Variants in NALF1 observed in about 807,000 individuals in gnomAD.
The protein encoded by NALF1 is family with sequence similarity 155 member A.
Under a neutral mutation model 48.4 loss-of-function variants are expected in NALF1, and 3 were observed. The observed-to-expected ratio is 0.06, with a 90% confidence interval of 0.03 to 0.16. The LOEUF is 0.16. Among genes scored for constraint, NALF1 ranks in the 10% least tolerant of loss-of-function variants. The pLI, the probability that NALF1 is intolerant of heterozygous loss-of-function variation, is 1.00. For missense variants in NALF1, 526 were observed against 571.5 expected (o/e 0.92, Z 0.81); for synonymous variants, 262 against 245.7 (o/e 1.07, Z -0.62).
chr13:107,769,962 G>C (rs1390165087), intron 1 of NALF1, among the ~76,000 whole-genome samples: 3 of 152,176 alleles, frequency 2.0e-5, no homozygotes, highest in African/African-American at 4.8e-5. Context: ...ACCCAGGCTA[G>C]AGTGCAGTGG....
At chr13:107,851,815 T>TC (rs2138642662) in intron 1 of NALF1, among the ~76,000 whole-genome samples, 1 of 144,768 alleles carries the variant, frequency 6.9e-6, no homozygotes, top group Admixed American at 6.9e-5. Flanking sequence ...CTTTTTTTTT[T>TC]TTTTTTTTTT....
chr13:107,831,203 A>T (rs1486368140), intron 1 of NALF1, among the ~76,000 whole-genome samples: 1 of 152,214 alleles, frequency 6.6e-6, no homozygotes, highest in African/African-American at 2.4e-5. Flanking sequence ...GACCTGAAAA[A>T]CAGACAGTTT....
At chr13:107,471,910 T>C (rs1264348138) in intron 1 of NALF1, among the ~76,000 whole-genome samples, 1 of 152,196 alleles carries the variant, frequency 6.6e-6, no homozygotes, top group Non-Finnish European at 1.5e-5. Flanking sequence ...TGTTTTTGTC[T>C]CTCCAATTAT....
At chr13:107,201,144 A>ATATCTATC (rs57935710) in intron 2 of NALF1, among the ~76,000 whole-genome samples, 4 of 150,354 alleles carry the variant, frequency 2.7e-5, no homozygotes, top group South Asian at 2.1e-4. Flanking sequence ...ATGTACGTTG[A>ATATCTATC]TATCTATCTA....
chr13:107,629,585 G>A (rs1464524514), intron 1 of NALF1, among the ~76,000 whole-genome samples: 1 of 141,450 alleles, frequency 7.1e-6, no homozygotes, highest in Non-Finnish European at 1.6e-5. Flanking sequence ...CTAAAACTCA[G>A]TATCTCCCCT....
At chr13:107,814,988 T>C (rs1879120168) in intron 1 of NALF1, among the ~76,000 whole-genome samples, 2 of 152,174 alleles carry the variant, frequency 1.3e-5, no homozygotes, top group South Asian at 4.1e-4. Flanking sequence ...TCTCTGATCA[T>C]ACTCAAAAAT....
In NALF1 at chr13:107,237,182, A is replaced by G. The variant is rs1437246396; in HGVS notation, c.916-26427T>C. 2.0e-5 allele frequency among the ~76,000 whole-genome samples: 3 copies of G among 152,134 alleles called. No homozygotes were observed. In the East Asian group the frequency reaches 5.8e-4, roughly 29 times the overall value. The stretch of plus-strand genomic sequence containing the variant: ...ATATATCATAAATAATTTAGACTAG[A>G]AACTTAATTATTTTGAAATTACTGA... On this transcript the variant is annotated intron_variant, in intron 1 of 2. Transcript: ENST00000375915.
chr13:107,415,377 G>T (rs1376434890), intron 1 of NALF1, among the ~76,000 whole-genome samples: 1 of 150,096 alleles, frequency 6.7e-6, no homozygotes, highest in Non-Finnish European at 1.5e-5. Flanking sequence ...CATAAGGAGA[G>T]AGTTTTTTTT....
chr13:107,211,638 G>A (rs1466707233), intron 1 of NALF1, among the ~76,000 whole-genome samples: 1 of 152,132 alleles, frequency 6.6e-6, no homozygotes, highest in Non-Finnish European at 1.5e-5. Context: ...TGCAGTACAG[G>A]TTACTGAAAT....
At position 107,362,075 on chromosome 13, in the gene NALF1, C is replaced by T. The variant is rs1883071204; in HGVS notation, c.916-151320G>A. Among the ~76,000 whole-genome samples, 1 of 152,092 alleles carries T rather than the reference C, an allele frequency of 6.6e-6. No individual in the cohort carries two copies. Among genetic ancestry groups the T allele is most frequent in the Non-Finnish European group, 1.5e-5 (1 of 68,024 alleles). On this transcript the variant is annotated intron_variant, in intron 1 of 2. Transcript: ENST00000375915. The surrounding 1 kb of genome is among the most constrained non-coding windows in gnomAD (Gnocchi z 4.6). ...GAAGTCGCACTGCCAGCCTGCAGTG[C>T]ATAGGTAGAGATGGGGGAATTCAAC...
chr13:107,734,668 T>G (rs959586093), intron 1 of NALF1, among the ~76,000 whole-genome samples: 1 of 152,134 alleles, frequency 6.6e-6, no homozygotes, highest in Non-Finnish European at 1.5e-5. Context: ...AAGACATTTA[T>G]GTCTTTGAGC....
At chr13:107,398,331 G>T (rs781649320) in intron 1 of NALF1, among the ~76,000 whole-genome samples, 1 of 148,802 alleles carries the variant, frequency 6.7e-6, no homozygotes, top group African/African-American at 2.5e-5. Context: ...AAATAAAGGC[G>T]ATATGGAATT....
intron 1 of NALF1, among the ~76,000 whole-genome samples, chr13:107,581,148 T>C (rs1878295860): frequency 6.6e-6 from 1 of 152,204 alleles, no homozygotes; most frequent in Non-Finnish European, 1.5e-5. Flanking sequence ...CTCGGACGCA[T>C]TTTGATTCAG....
intron 1 of NALF1, among the ~76,000 whole-genome samples, chr13:107,578,039 T>C (rs150225740): frequency 1.1e-3 from 173 of 152,264 alleles, no homozygotes; most frequent in African/African-American, 3.9e-3. Context: ...AGACCTGAAA[T>C]TCTACAGGTC....
chr13:107,769,334 T>C (rs951741705), intron 1 of NALF1, among the ~76,000 whole-genome samples: 74 of 148,462 alleles, frequency 5.0e-4, no homozygotes, highest in African/African-American at 1.8e-3. Flanking sequence ...ATGTGGCACA[T>C]ATACACCATG....
chr13:107,825,480 CTT>C lies in NALF1; in HGVS notation c.915+40200_915+40201del, dbSNP rs1451853979. On this transcript the variant is annotated intron_variant, in intron 1 of 2. Coordinates refer to ENST00000375915, the MANE Select transcript of NALF1 (RefSeq NM_001080396.3). ...GAATCTTCTGTCCTTAATCTGATCT[CTT>C]GTCTCAATCCATAATTAGGCCTCAA... is the stretch of plus-strand genomic sequence containing the variant. 5.3e-5 allele frequency among the ~76,000 whole-genome samples: 8 copies of C among 152,292 alleles called. No homozygotes were observed. The South Asian group carries it at 8.3e-4, about 16-fold the overall frequency.
At chr13:107,590,209 C>T in intron 1 of NALF1, among the ~76,000 whole-genome samples, 1 of 151,872 alleles carries the variant, frequency 6.6e-6, no homozygotes, top group East Asian at 1.9e-4. Flanking sequence ...AGTAAGAAAT[C>T]CATGAAAATT....
chr13:107,442,824 C>T (rs1296115695), intron 1 of NALF1, among the ~76,000 whole-genome samples: 3 of 152,028 alleles, frequency 2.0e-5, no homozygotes, highest in African/African-American at 4.8e-5. Flanking sequence ...AATGGCAAAT[C>T]GGCATTGATA....
At chr13:107,240,274 A>C (rs1238590821) in intron 1 of NALF1, among the ~76,000 whole-genome samples, 2 of 152,230 alleles carry the variant, frequency 1.3e-5, no homozygotes, top group Non-Finnish European at 2.9e-5. Context: ...CAGACATCAA[A>C]TCTACCCATT....
Sources: gnomAD v4.1 joint callset for allele counts (sites outside exome capture counted in the v4.1 genomes callset) on GRCh38, gnomAD v4.1.1 for gene constraint, Gnocchi (gnomAD v3.1) non-coding constraint, MANE v1.5 for transcripts, NCBI Gene and HGNC (gene_info 2026-07-23, HGNC 2026-07-21) for gene names.